Variants in TRHDE observed in about 807,000 individuals in gnomAD.
TRHDE encodes the protein thyrotropin-releasing hormone-degrading ectoenzyme.
Under a neutral mutation model 125.7 loss-of-function variants are expected in TRHDE, and 72 were observed. The observed-to-expected ratio is 0.57, with a 90% CI of 0.47 to 0.70. The LOEUF is 0.70. TRHDE is among the 30% of genes least tolerant of loss of function. TRHDE has a pLI of 0.00. For synonymous variants in TRHDE, 509 were observed against 509.1 expected, an observed-to-expected ratio of 1.00 and a Z score of 0.00; for missense variants, 1,110 against 1,327.1, an observed-to-expected ratio of 0.84 and a Z score of 2.54.
chr12:72,578,748 C>T (rs759334494), intron 12 of TRHDE, among the ~76,000 whole-genome samples: 5 of 152,070 alleles, frequency 3.3e-5, no homozygotes, highest in Admixed American at 1.3e-4. Flanking sequence ...CTTTATGCCA[C>T]GACTTGTTGT....
chr12:72,638,385 A>G (rs1873864940), intron 15 of TRHDE, among the ~76,000 whole-genome samples: 1 of 151,608 alleles, frequency 6.6e-6, no homozygotes, highest in Non-Finnish European at 1.5e-5. Flanking sequence ...CTTTATTTTG[A>G]GCCTATGTTT....
At chr12:72,380,870 T>TTC (rs1245189274) in intron 3 of TRHDE, among the ~76,000 whole-genome samples, 39 of 143,614 alleles carry the variant, frequency 2.7e-4, no homozygotes, top group African/African-American at 9.6e-4. Context: ...TTTCTCTCTC[T>TTC]CTCTCTTCTT....
chr12:72,248,141 C>T lies in TRHDE; in HGVS notation n.280-129854C>T, dbSNP rs531139091. ...AAATTTAATAGTGAAGTGCTTAGGC[C>T]GGGTGCGGTGGCTCACGCCTATAAT... On this transcript the variant is annotated intron_variant and non_coding_transcript_variant, in intron 2 of 4. Transcript: ENST00000548156. Among the ~76,000 whole-genome samples the T allele has an allele frequency of 9.2e-5, 14 of 152,118 alleles. No homozygotes were observed. In the East Asian group the frequency reaches 1.7e-3, roughly 19 times the overall value.
intron 2 of TRHDE, among the ~76,000 whole-genome samples, chr12:72,293,470 T>G (rs1880167423): frequency 6.6e-6 from 1 of 152,162 alleles, no homozygotes; most frequent in African/African-American, 2.4e-5. Context: ...AAATTCCATT[T>G]TGGGTCTTTG....
At chr12:72,183,917 G>C (rs1176417481) in intron 2 of TRHDE, among the ~76,000 whole-genome samples, 1 of 152,172 alleles carries the variant, frequency 6.6e-6, no homozygotes, top group Non-Finnish European at 1.5e-5. Flanking sequence ...TGTTATAGTA[G>C]ATGGTACTTT....
chr12:72,469,781 C>T lies in TRHDE; in HGVS notation c.1339C>T (p.Pro447Ser). 6.2e-7 allele frequency: 1 copy of T among 1,614,028 alleles called. No homozygotes were observed. The highest frequency in any genetic ancestry group is 8.5e-7 in the Non-Finnish European group (1 of 1,179,970). The change falls in exon 4 of 19, where the codon CCG (proline) becomes TCG (serine). Residue 447 changes from proline (P) to serine (S), a missense_variant. By Grantham distance (74) the Pro-to-Ser change is moderately conservative (BLOSUM62 -1). Coordinates refer to ENST00000261180, the MANE Select transcript of TRHDE (RefSeq NM_013381.3). ...AGATCTTTTAGCTGTGCCTAAGCAT[C>T]CGTATGCTGCTATGGAGAACTGGGG... ...KLDLLAVPKH[P>S]YAAMENWGLS...
rs11837060 is a variant in TRHDE at position 72,374,012 on chromosome 12, A to C, written c.1189-3983A>C. ...GATTACTGTATACATAACAGCTTGA[A>C]GGAGCAAGGGACGAGGCATCAGTAG... is the stretch of plus-strand genomic sequence containing the variant. On this transcript the variant is annotated intron_variant, in intron 2 of 18. Coordinates refer to ENST00000261180, the MANE Select transcript of TRHDE (RefSeq NM_013381.3). Among the ~76,000 whole-genome samples, 408 of 152,288 alleles carry C rather than the reference A, an allele frequency of 2.7e-3. 2 individuals are homozygous for C. The highest frequency in any genetic ancestry group is 9.5e-3 in the African/African-American group (397 of 41,578).
At chr12:72,431,517 G>GA (rs907673718) in intron 3 of TRHDE, among the ~76,000 whole-genome samples, 4 of 151,860 alleles carry the variant, frequency 2.6e-5, no homozygotes, top group Admixed American at 6.6e-5. Context: ...GATGAAAATG[G>GA]AAAAAATGCC....
At chr12:72,322,528 TCAAA>T (rs1007142540) in intron 2 of TRHDE, among the ~76,000 whole-genome samples, 3 of 152,148 alleles carry the variant, frequency 2.0e-5, no homozygotes, top group Non-Finnish European at 2.9e-5. Flanking sequence ...GAAACAGATA[TCAAA>T]CAAAGTTATG....
Position 72,426,109 on chromosome 12 carries a change from A to G in TRHDE, c.1316-43649A>G, listed in dbSNP as rs577203357. ...ATATACAAGTGACAATAGTATGTATAACCTCTCAATAATTCAAGGTAGATT... is the reference window on the plus strand; with the variant it reads ...ATATACAAGTGACAATAGTATGTATGACCTCTCAATAATTCAAGGTAGATT... On this transcript the variant is annotated intron_variant, in intron 3 of 18. Transcript: ENST00000261180. Among the ~76,000 whole-genome samples the G allele has an allele frequency of 2.6e-5, 4 of 152,218 alleles. No homozygotes were observed. The East Asian group carries it at 5.8e-4, about 22-fold the overall frequency.
Position 72,352,145 on chromosome 12 carries a change from G to T in TRHDE, c.1189-25850G>T, listed in dbSNP as rs528964157. ...TTGTTGTCAATTTTTCCTTGCTTTTGTAAATTCCAGAATCCAGTAGATATT... is the reference window on the plus strand; with the variant it reads ...TTGTTGTCAATTTTTCCTTGCTTTTTTAAATTCCAGAATCCAGTAGATATT... On this transcript the variant is annotated intron_variant, in intron 2 of 18. Coordinates refer to ENST00000261180, the MANE Select transcript of TRHDE (RefSeq NM_013381.3). 1.0e-3 allele frequency among the ~76,000 whole-genome samples: 158 copies of T among 151,530 alleles called. 1 individual carries two copies. Among genetic ancestry groups the T allele is most frequent in the Middle Eastern group, 3.4e-3 (1 of 292 alleles).
At chr12:72,270,828 A>G (rs1879180987), upstream of TRHDE, among the ~76,000 whole-genome samples, 1 of 152,258 alleles carries the variant, frequency 6.6e-6, no homozygotes. Context: ...TCTGCAGTAT[A>G]ATTTTAAACT....
At chr12:72,371,508 A>G (rs1871586382) in intron 2 of TRHDE, among the ~76,000 whole-genome samples, 1 of 151,622 alleles carries the variant, frequency 6.6e-6, no homozygotes, top group South Asian at 2.1e-4. Context: ...GTCATTTAGC[A>G]TTAGGTATAT....
chr12:72,471,121 A>AC (rs1407061013), intron 4 of TRHDE, among the ~76,000 whole-genome samples: 3 of 150,988 alleles, frequency 2.0e-5, no homozygotes, highest in South Asian at 2.1e-4. Flanking sequence ...CAGGTGATCC[A>AC]CCCCCCTCGA....
intron 6 of TRHDE, among the ~76,000 whole-genome samples, chr12:72,536,775 A>G (rs1659419861): frequency 6.6e-6 from 1 of 152,086 alleles, no homozygotes. Context: ...GACCATAAAC[A>G]TGTCCTATTC....
intron 2 of TRHDE, among the ~76,000 whole-genome samples, chr12:72,301,107 G>T (rs1868254645): frequency 6.6e-6 from 1 of 152,088 alleles, no homozygotes. Context: ...AGAGAAAAAT[G>T]AAGAAATACG....
Position 72,668,665 on chromosome 12 carries a change from G to A in TRHDE, c.*5470G>A, listed in dbSNP as rs918644868. On this transcript the variant is annotated 3_prime_UTR_variant, in exon 19 of 19. Transcript: ENST00000261180. ...CTACTAAATGCTAGGCACTTTATAG[G>A]TGTCTTCTAATATATGTCTATTGGT... The A allele has an allele frequency of 6.6e-6, 1 of 151,806 alleles. No homozygotes were observed. The highest frequency in any genetic ancestry group is 1.5e-5 in the Non-Finnish European group (1 of 67,822). The allele number at this position is 151,806 out of a possible 1,614,324, so 9.4% of individuals were successfully genotyped here. A position where few individuals can be genotyped will look rare whatever the true frequency, so the allele number is the denominator to read the frequency against.
At chr12:72,592,913 A>T (rs960270296) in intron 12 of TRHDE, among the ~76,000 whole-genome samples, 2 of 152,060 alleles carry the variant, frequency 1.3e-5, no homozygotes, top group Non-Finnish European at 2.9e-5. Flanking sequence ...CGGTTTTGCC[A>T]TGTTGGCCAG....
intron 2 of TRHDE, among the ~76,000 whole-genome samples, chr12:72,157,081 A>T (rs1876530465): frequency 6.6e-6 from 1 of 151,986 alleles, no homozygotes; most frequent in Admixed American, 6.6e-5. Flanking sequence ...TTCTGGGCAG[A>T]GGAAATGGCA....
Sources: gnomAD v4.1 joint callset for allele counts (sites outside exome capture counted in the v4.1 genomes callset) on GRCh38, gnomAD v4.1.1 for gene constraint, MANE v1.5 for transcripts, NCBI Gene and HGNC (gene_info 2026-07-23, HGNC 2026-07-21) for gene names.